Variants in ENTREP2 observed in about 807,000 individuals in gnomAD.
The protein encoded by ENTREP2 is protein ENTREP2.
chr15:29,526,335 G>A, the ENTREP2 span, among the ~76,000 whole-genome samples: 1 of 152,074 alleles, frequency 6.6e-6, no homozygotes, highest in Non-Finnish European at 1.5e-5. Flanking sequence ...CTCAAAGATG[G>A]TGTCCCTCTT....
At chr15:29,436,426 T>C in the ENTREP2 span, among the ~76,000 whole-genome samples, 1 of 152,178 alleles carries the variant, frequency 6.6e-6, no homozygotes, top group Admixed American at 6.5e-5. Context: ...AGAGAACTTT[T>C]TATTCCCCAA....
At chr15:29,610,569 C>T in the ENTREP2 span, 1 of 150,646 alleles carries the variant, frequency 6.6e-6, no homozygotes, top group Non-Finnish European at 1.5e-5. Flanking sequence ...TTCCAGAAAC[C>T]CAGCTTCCAT....
the ENTREP2 span, among the ~76,000 whole-genome samples, chr15:29,638,784 T>G: frequency 6.6e-6 from 1 of 150,482 alleles, no homozygotes; most frequent in Admixed American, 6.6e-5. Flanking sequence ...TATTTTTCTA[T>G]CACTGTGGCA....
the ENTREP2 span, among the ~76,000 whole-genome samples, chr15:29,480,338 C>CAAAAAAAAAAA: frequency 6.8e-5 from 2 of 29,430 alleles, no homozygotes; most frequent in African/African-American, 9.4e-5. Flanking sequence ...TTCACTATAG[C>CAAAAAAAAAAA]AAAAAAAAAA....
chr15:29,282,969 C>T, the ENTREP2 span, among the ~76,000 whole-genome samples: 1 of 152,286 alleles, frequency 6.6e-6, no homozygotes, highest in Admixed American at 6.5e-5. Context: ...CAGAGGTTGA[C>T]CCACTGTTGC....
chr15:29,231,810 G>C, the ENTREP2 span, among the ~76,000 whole-genome samples: 5 of 151,726 alleles, frequency 3.3e-5, no homozygotes, highest in African/African-American at 1.2e-4. Context: ...TAGCAATACA[G>C]GTCATCTCAG....
chr15:29,129,713 C>G, the ENTREP2 span, among the ~76,000 whole-genome samples: 1 of 152,150 alleles, frequency 6.6e-6, no homozygotes, highest in Non-Finnish European at 1.5e-5. Context: ...AAGGGGAAGG[C>G]TATACCTCCT....
At chr15:29,441,568 G>T in the ENTREP2 span, among the ~76,000 whole-genome samples, 2 of 152,184 alleles carry the variant, frequency 1.3e-5, no homozygotes, top group African/African-American at 4.8e-5. Flanking sequence ...GTGTGTGTGT[G>T]AGAATATACG....
At chr15:29,608,377 G>A in the ENTREP2 span, among the ~76,000 whole-genome samples, 3 of 151,880 alleles carry the variant, frequency 2.0e-5, no homozygotes, top group African/African-American at 7.3e-5. Flanking sequence ...GATGGAAACT[G>A]CTCCTTCCTT....
At chr15:29,172,374 G>T in the ENTREP2 span, among the ~76,000 whole-genome samples, 7 of 152,316 alleles carry the variant, frequency 4.6e-5, no homozygotes, top group South Asian at 1.5e-3. Context: ...CCAAGGAGCA[G>T]GAGTCCTAGA....
chr15:29,528,433 G>A, the ENTREP2 span, among the ~76,000 whole-genome samples: 1 of 151,844 alleles, frequency 6.6e-6, no homozygotes, highest in Non-Finnish European at 1.5e-5. Flanking sequence ...CCCACTCCCA[G>A]TAGAAATCCA....
the ENTREP2 span, among the ~76,000 whole-genome samples, chr15:29,193,002 A>C: frequency 7.9e-5 from 12 of 152,212 alleles, no homozygotes; most frequent in African/African-American, 2.9e-4. Context: ...CATCTATGAA[A>C]AACTTAGCGC....
the ENTREP2 span, chr15:29,269,943 A>AT: frequency 4.9e-5 from 23 of 471,894 alleles, no homozygotes; most frequent in Admixed American, 4.3e-5. Context: ...CCGGGCGATG[A>AT]TTTTTAGTAT....
chr15:29,322,358 T>C, the ENTREP2 span, among the ~76,000 whole-genome samples: 1 of 152,240 alleles, frequency 6.6e-6, no homozygotes. Context: ...CATTGTGCAG[T>C]AGATCTCCTG....
chr15:29,377,822 A>AT, the ENTREP2 span, among the ~76,000 whole-genome samples: 133 of 120,566 alleles, frequency 1.1e-3, no homozygotes, highest in African/African-American at 2.4e-3. Flanking sequence ...CTCTGTCTCA[A>AT]AAATAATAAT....
At chr15:29,597,602 T>C in the ENTREP2 span, among the ~76,000 whole-genome samples, 71,896 of 151,346 alleles carry the variant, frequency 0.48, 17,610 homozygotes, top group Non-Finnish European at 0.54. Context: ...ATAACTTTGT[T>C]GGGCTTGATA....
the ENTREP2 span, among the ~76,000 whole-genome samples, chr15:29,311,934 T>C: frequency 6.6e-6 from 1 of 152,110 alleles, no homozygotes; most frequent in African/African-American, 2.4e-5. Flanking sequence ...TTAACAGAGC[T>C]AAAGAGAAAA....
the ENTREP2 span, among the ~76,000 whole-genome samples, chr15:29,541,506 G>A: frequency 6.6e-6 from 1 of 152,168 alleles, no homozygotes; most frequent in African/African-American, 2.4e-5. Flanking sequence ...GCTGGGAGAG[G>A]GGCCAGCCAT....
the ENTREP2 span, among the ~76,000 whole-genome samples, chr15:29,262,933 A>G: frequency 1.2e-4 from 18 of 152,194 alleles, no homozygotes; most frequent in Non-Finnish European, 2.2e-4. Context: ...TCCGTAGGGG[A>G]AACCCCCTAC....
Sources: gnomAD v4.1 joint callset for allele counts (sites outside exome capture counted in the v4.1 genomes callset) on GRCh38, gnomAD v4.1.1 for gene constraint, MANE v1.5 for transcripts, NCBI Gene and HGNC (gene_info 2026-07-23, HGNC 2026-07-21) for gene names.